Variants in LRRC37A2 observed in about 807,000 individuals in gnomAD.
LRRC37A2 encodes the protein leucine rich repeat containing 37 member A2.
A neutral mutation model predicts 68.8 loss-of-function variants in LRRC37A2; 9 were observed. That is an observed-to-expected ratio of 0.13 (90% CI 0.08 to 0.23). LRRC37A2 has a LOEUF of 0.23. Ranked by LOEUF, LRRC37A2 falls within the 10% of genes least tolerant of loss-of-function variation. The pLI, the probability that LRRC37A2 is intolerant of heterozygous loss-of-function variation, is 1.00. For missense variants in LRRC37A2, 168 were observed against 950.4 expected (o/e 0.18, Z 10.82); for synonymous variants, 63 against 367.6 (o/e 0.17, Z 9.48).
chr17:46,541,471 C>T (rs2145569156), intron 8 of LRRC37A2, among the ~76,000 whole-genome samples: 1 of 149,362 alleles, frequency 6.7e-6, no homozygotes, highest in Non-Finnish European at 1.5e-5. Flanking sequence ...AGGGTGGTTT[C>T]GAACTCCTGA....
chr17:47,017,222 G>A, the LRRC37A2 span: 14 of 1,611,898 alleles, frequency 8.7e-6, no homozygotes, highest in Middle Eastern at 2.3e-4. Flanking sequence ...CGGCACTAGC[G>A]TGTGTCATGT....
chr17:46,792,367 A>G, the LRRC37A2 span, among the ~76,000 whole-genome samples: 9 of 152,328 alleles, frequency 5.9e-5, no homozygotes, highest in Non-Finnish European at 8.8e-5. Flanking sequence ...GGGTACATTT[A>G]TTTGGGTAGA....
chr17:46,761,235 C>T, the LRRC37A2 span, among the ~76,000 whole-genome samples: 2 of 151,988 alleles, frequency 1.3e-5, no homozygotes, highest in African/African-American at 4.8e-5. Flanking sequence ...CTTCTGGTGG[C>T]TATTCCTAAC....
the LRRC37A2 span, chr17:46,938,963 GC>G: frequency 6.9e-7 from 1 of 1,456,728 alleles, no homozygotes; most frequent in Non-Finnish European, 9.1e-7. Context: ...CCACCACCAT[GC>G]GCGGTGCTTA....
At chr17:47,000,054 A>T in the LRRC37A2 span, among the ~76,000 whole-genome samples, 11,737 of 40,690 alleles carry the variant, frequency 0.29, 2,372 homozygotes, top group Admixed American at 0.35. Flanking sequence ...AAAATAAAAT[A>T]AAATAAAATT....
At chr17:46,839,520 C>T in the LRRC37A2 span, among the ~76,000 whole-genome samples, 1 of 152,062 alleles carries the variant, frequency 6.6e-6, no homozygotes, top group Non-Finnish European at 1.5e-5. Context: ...GCTGTAAATT[C>T]TTTATATATA....
chr17:46,778,511 C>G, the LRRC37A2 span, among the ~76,000 whole-genome samples: 1 of 152,192 alleles, frequency 6.6e-6, no homozygotes, highest in African/African-American at 2.4e-5. Context: ...TGCCCTTCCC[C>G]AAACATGCCC....
At chr17:46,932,102 T>C in the LRRC37A2 span, 1 of 1,613,480 alleles carries the variant, frequency 6.2e-7, no homozygotes, top group African/African-American at 1.3e-5. Flanking sequence ...GTCCAGCACC[T>C]GCAGACTGCG....
At chr17:46,988,083 A>G in the LRRC37A2 span, among the ~76,000 whole-genome samples, 731 of 152,326 alleles carry the variant, frequency 4.8e-3, 5 homozygotes, top group African/African-American at 0.017. Context: ...GAGGTAGGAC[A>G]ATCGCTTGAA....
the LRRC37A2 span, among the ~76,000 whole-genome samples, chr17:46,759,184 AC>A: frequency 6.6e-6 from 1 of 152,214 alleles, no homozygotes; most frequent in African/African-American, 2.4e-5. Flanking sequence ...AGCCTGGGCA[AC>A]GAGCAAAACT....
the LRRC37A2 span, among the ~76,000 whole-genome samples, chr17:46,865,360 G>A: frequency 6.6e-6 from 1 of 152,188 alleles, no homozygotes; most frequent in Non-Finnish European, 1.5e-5. Flanking sequence ...GGCTGTGCTT[G>A]GAGAGACAAA....
chr17:46,826,049 CAG>C, the LRRC37A2 span, among the ~76,000 whole-genome samples: 1 of 152,196 alleles, frequency 6.6e-6, no homozygotes. Context: ...CGAAACAAAA[CAG>C]AGGTGTGGAA....
chr17:46,788,734 G>GTCCTGCGAGGACCT, the LRRC37A2 span, among the ~76,000 whole-genome samples: 1 of 152,024 alleles, frequency 6.6e-6, no homozygotes, highest in African/African-American at 2.4e-5. Flanking sequence ...AGGTGCAGTG[G>GTCCTGCGAGGACCT]CCCTGCGAGG....
At chr17:46,615,606 A>G in the LRRC37A2 span, among the ~76,000 whole-genome samples, 1 of 13,650 alleles carries the variant, frequency 7.3e-5, no homozygotes, top group African/African-American at 5.4e-4. Flanking sequence ...AGCCTCAGCT[A>G]CTTGGGAGAC....
At chr17:46,821,167 G>A in the LRRC37A2 span, 1 of 152,330 alleles carries the variant, frequency 6.6e-6, no homozygotes, top group East Asian at 1.9e-4. Context: ...CATCAGGCAG[G>A]AAACAAGTGG....
chr17:46,421,151 C>CT, the LRRC37A2 span, among the ~76,000 whole-genome samples: 36 of 69,876 alleles, frequency 5.2e-4, no homozygotes, highest in Non-Finnish European at 1.2e-3. Context: ...GTTGGCCAGG[C>CT]TGGTCCTGAC....
At chr17:46,835,278 C>T in the LRRC37A2 span, among the ~76,000 whole-genome samples, 22 of 152,118 alleles carry the variant, frequency 1.4e-4, no homozygotes, top group African/African-American at 4.8e-4. Flanking sequence ...GTGGCACAAT[C>T]CCGGCTCACT....
At chr17:47,018,180 C>G in the LRRC37A2 span, 3 of 1,603,966 alleles carry the variant, frequency 1.9e-6, no homozygotes, top group Non-Finnish European at 2.6e-6. Context: ...AATTCAGTTT[C>G]CAGAGGAGGT....
At chr17:46,754,395 C>T in the LRRC37A2 span, among the ~76,000 whole-genome samples, 1 of 152,062 alleles carries the variant, frequency 6.6e-6, no homozygotes, top group South Asian at 2.1e-4. Flanking sequence ...TGCACATCTC[C>T]CCACAGCTGC....
Sources: gnomAD v4.1 joint callset for allele counts (sites outside exome capture counted in the v4.1 genomes callset) on GRCh38, gnomAD v4.1.1 for gene constraint, MANE v1.5 for transcripts, NCBI Gene and HGNC (gene_info 2026-07-23, HGNC 2026-07-21) for gene names.